The following PLA2G2D variants were observed in gnomAD, a reference collection of about 807,000 sequenced individuals.
PLA2G2D encodes the protein group IID secretory phospholipase A2.
In PLA2G2D, 17 loss-of-function variants were observed where a neutral mutation model predicts 13.9. The observed-to-expected ratio is 1.23, with a 90% CI of 0.84 to 1.84. PLA2G2D has a LOEUF of 1.84. Ranked by LOEUF, PLA2G2D falls within the 40% of genes most tolerant of loss-of-function variation. The probability of loss-of-function intolerance (pLI) is 0.00; values close to 1 mark genes in which losing one functional copy is unlikely to be tolerated. For synonymous variants in PLA2G2D, 83 were observed against 69.3 expected (o/e 1.20, Z -0.98); for missense variants, 194 against 178.7 (o/e 1.09, Z -0.49).
chr1:20,114,221 A>G lies in PLA2G2D; in HGVS notation c.331T>C (p.Cys111Arg). ...AGGCAGAAGGCCACCTCCTTGTCACAGGCACACAGCTGCTGCTCACACCAG... is the reference window on the plus strand; with the variant it reads ...AGGCAGAAGGCCACCTCCTTGTCACGGGCACACAGCTGCTGCTCACACCAG... The part of the protein sequence containing the change: ...GSWCEQQLCA[C>R]DKEVAFCLKR... The change falls in exon 4 of 4, where the codon TGT becomes CGT. Residue 111 changes from cysteine to arginine, a missense_variant. Physicochemically the swap from Cys to Arg is radical, Grantham distance 180. Coordinates refer to ENST00000375105, the MANE Select transcript of PLA2G2D (RefSeq NM_012400.4). The G allele has an allele frequency of 6.2e-7, 1 of 1,614,078 alleles. No homozygotes were observed. Among genetic ancestry groups the G allele is most frequent in the African/African-American group, 1.3e-5 (1 of 75,052 alleles).
At chr1:20,116,227 C>T in intron 2 of PLA2G2D, 106 bp downstream of exon 2, 6 of 1,187,724 alleles carry the variant, frequency 5.1e-6, no homozygotes, top group Non-Finnish European at 1.2e-6. Context: ...AGTAGATGCT[C>T]AACAAAATGG....
chr1:20,115,777 C>T (rs111438282), intron 2 of PLA2G2D, among the ~76,000 whole-genome samples, 164 bp from the exon 3 acceptor site: 11 of 152,222 alleles, frequency 7.2e-5, no homozygotes, highest in African/African-American at 2.7e-4. Context: ...TTGAGCGATT[C>T]CTATGCACTA....
chr1:20,114,816 A>G (rs1261384439), intron 3 of PLA2G2D, among the ~76,000 whole-genome samples: 2 of 152,176 alleles, frequency 1.3e-5, no homozygotes, highest in Non-Finnish European at 2.9e-5. Context: ...GTAACAAGAC[A>G]AGGCACTTAG....
rs2016973615 is a variant in PLA2G2D, at chr1:20,115,735, G to A, written c.186-122C>T. On this transcript the variant is annotated intron_variant, in intron 2 of 3. Transcript: ENST00000375105. Reference sequence around the variant, plus strand: ...AAGAGTCAAGGCCTGCAGGGCTGCAGTCTTCCTCAGGATCATGATGACTAA... The same window carrying A: ...AAGAGTCAAGGCCTGCAGGGCTGCAATCTTCCTCAGGATCATGATGACTAA... 22 of 703,880 alleles carry A rather than the reference G, an allele frequency of 3.1e-5. No homozygotes were observed. The South Asian group carries it at 3.4e-4, about 11-fold the overall frequency. 43.6% of individuals were successfully genotyped at this position (703,880 alleles called of 1,614,324 possible).
In PLA2G2D at chr1:20,115,456, G is replaced by C. The variant is rs530882950; in HGVS notation, c.292+51C>G. The C allele has an allele frequency of 1.1e-5, 12 of 1,051,452 alleles. No individual in the cohort carries two copies. In the East Asian group the frequency reaches 2.6e-4, roughly 23 times the overall value. 65.1% of individuals were successfully genotyped at this position (1,051,452 alleles called of 1,614,324 possible). A position where few individuals can be genotyped will look rare whatever the true frequency, so the allele number is the denominator to read the frequency against. On this transcript the variant is annotated intron_variant, in intron 3 of 3. Transcript: ENST00000375105. Reference sequence around the variant, plus strand: ...TGTGCTGTGAAGGCAGTGGGGGCCAGATCTCCCTTCCTGGGGTCTCCAGCT... The same window carrying C: ...TGTGCTGTGAAGGCAGTGGGGGCCACATCTCCCTTCCTGGGGTCTCCAGCT...
chr1:20,115,396 A>T (rs528299487), intron 3 of PLA2G2D, 111 bp downstream of exon 3: 2 of 725,512 alleles, frequency 2.8e-6, no homozygotes, highest in Non-Finnish European at 5.0e-6. Flanking sequence ...CAGCCAGTGG[A>T]CCCATGCAAA....
In PLA2G2D at chr1:20,116,409, G is replaced by A. The variant is rs768356905; in HGVS notation, c.109C>T (p.Pro37Ser). Residue 37 changes from proline to serine, a missense_variant, in exon 2 of 4, where the codon CCC (proline) becomes TCC (serine). Physicochemically the swap from Pro to Ser is moderately conservative, Grantham distance 74. Coordinates refer to ENST00000375105, the MANE Select transcript of PLA2G2D (RefSeq NM_012400.4). ...KMVKQVTGKM[P>S]ILSYWPYGCH... ...CCGTAGGGCCAGTAGGAGAGGATGG[G>A]CATTTTCCCAGTCACTTGCTTGACC... The A allele has an allele frequency of 3.7e-6, 6 of 1,614,088 alleles. No individual in the cohort carries two copies. The South Asian group carries it at 4.4e-5, about 12-fold the overall frequency.
intron 3 of PLA2G2D, among the ~76,000 whole-genome samples, 163 bp from the exon 4 acceptor site, chr1:20,114,422 T>A (rs890573674): frequency 6.6e-6 from 1 of 152,232 alleles, no homozygotes; most frequent in African/African-American, 2.4e-5. Context: ...TACCGTGACC[T>A]CCCTGTGTGC....
Position 20,113,985 on chromosome 1 carries a change from A to G in PLA2G2D, c.*129T>C. On this transcript the variant is annotated 3_prime_UTR_variant, in exon 4 of 4. Transcript: ENST00000375105. Reference sequence around the variant, plus strand: ...CTTCAGAAGGTCAGAAGGCATTGGTAGAGGGTTCCGGGGGAGGCTGGGACT... The same window carrying G: ...CTTCAGAAGGTCAGAAGGCATTGGTGGAGGGTTCCGGGGGAGGCTGGGACT... The G allele has an allele frequency of 1.3e-6, 1 of 743,214 alleles. No individual in the cohort carries two copies. The highest frequency in any genetic ancestry group is 2.2e-6 in the Non-Finnish European group (1 of 450,316). The allele number at this position is 743,214 out of a possible 1,614,324, so 46.0% of individuals were successfully genotyped here. A position where few individuals can be genotyped will look rare whatever the true frequency, so the allele number is the denominator to read the frequency against.
chr1:20,116,163 G>A (rs944231933), intron 2 of PLA2G2D, among the ~76,000 whole-genome samples, 170 bp downstream of exon 2: 1 of 152,204 alleles, frequency 6.6e-6, no homozygotes, highest in Non-Finnish European at 1.5e-5. Context: ...CCTTCTGGAA[G>A]GCAAGCTCCA....
chr1:20,118,231 C>T (rs1486047408), intron 1 of PLA2G2D, among the ~76,000 whole-genome samples: 1 of 152,146 alleles, frequency 6.6e-6, no homozygotes, highest in Non-Finnish European at 1.5e-5. Context: ...AAATATAGCC[C>T]TTTCAATCTG....
chr1:20,119,348 G>T, intron 1 of PLA2G2D, 111 bp downstream of exon 1: 1 of 963,272 alleles, frequency 1.0e-6, no homozygotes. Context: ...GGGGAGTGGG[G>T]GCCAGGCTCC....
At position 20,114,240 on chromosome 1, in the gene PLA2G2D, A is replaced by G. The variant is rs547644422; in HGVS notation, c.312T>C (p.Cys104=). The change falls in exon 4 of 4, where the codon TGT becomes TGC. Residue 104 remains cysteine, a synonymous_variant. Transcript: ENST00000375105. ...TGTCACAGGCACACAGCTGCTGCTCACACCAGCTTCCCTTGTCAGCTGTGG... is the reference window on the plus strand; with the variant it reads ...TGTCACAGGCACACAGCTGCTGCTCGCACCAGCTTCCCTTGTCAGCTGTGG... The part of the protein sequence containing the change: ...NIHCSDKGSW[C]EQQLCACDKE... The G allele has an allele frequency of 1.9e-5, 31 of 1,613,826 alleles. No individual in the cohort carries two copies. The South Asian group carries it at 3.3e-4, about 17-fold the overall frequency.
Position 20,114,276 on chromosome 1 carries a change from G to C in PLA2G2D, c.293-17C>G. The C allele has an allele frequency of 2.5e-6, 4 of 1,610,324 alleles. No individual in the cohort carries two copies. The highest frequency in any genetic ancestry group is 3.4e-6 in the Non-Finnish European group (4 of 1,177,738). On this transcript the variant is annotated splice_polypyrimidine_tract_variant and intron_variant, in intron 3 of 3. Transcript: ENST00000375105. ...CCTTGTCAGCTGTGGACGGAGAAGG[G>C]GGAGCTATGTGTTTGTCCTTTTCCG... is the stretch of plus-strand genomic sequence containing the variant.
Position 20,114,199 on chromosome 1 carries a change from C to T in PLA2G2D, c.353G>A (p.Cys118Tyr). 1 of 1,614,096 alleles carries T rather than the reference C, an allele frequency of 6.2e-7. No individual in the cohort carries two copies. The highest frequency in any genetic ancestry group is 2.2e-5 in the East Asian group (1 of 44,874). ...GTAGGTGTCCAGGTTGCGCTTCAGG[C>T]AGAAGGCCACCTCCTTGTCACAGGC... is the stretch of plus-strand genomic sequence containing the variant. ...LCACDKEVAF[C>Y]LKRNLDTYQK... The change falls in exon 4 of 4, where the codon TGC (cysteine) becomes TAC (tyrosine). Residue 118 changes from cysteine to tyrosine, a missense_variant. Physicochemically the swap from Cys to Tyr is radical, Grantham distance 194. Transcript: ENST00000375105.
chr1:20,115,663 C>A, intron 2 of PLA2G2D, 50 bp from the exon 3 acceptor site: 1 of 1,156,370 alleles, frequency 8.6e-7, no homozygotes, highest in Non-Finnish European at 1.3e-6. Flanking sequence ...CTACTGGGGT[C>A]TCTGGCTGCT....
At chr1:20,118,661 A>T (rs910438934) in intron 1 of PLA2G2D, among the ~76,000 whole-genome samples, 1 of 152,196 alleles carries the variant, frequency 6.6e-6, no homozygotes, top group African/African-American at 2.4e-5. Flanking sequence ...TACCCATTTT[A>T]CAGATGAGGA....
In PLA2G2D at chr1:20,113,842, A is replaced by C. The variant is rs1569868018; in HGVS notation, c.*272T>G. ...GGGGACAGCGGCAGACCCCTCCCCCACCCCGATGCTTTGGTCCAAACACCA... is the reference window on the plus strand; with the variant it reads ...GGGGACAGCGGCAGACCCCTCCCCCCCCCCGATGCTTTGGTCCAAACACCA... On this transcript the variant is annotated 3_prime_UTR_variant, in exon 4 of 4. Transcript: ENST00000375105. 1 of 370,266 alleles carries C rather than the reference A, an allele frequency of 2.7e-6. No individual in the cohort carries two copies. The highest frequency in any genetic ancestry group is 2.1e-5 in the African/African-American group (1 of 47,952). 22.9% of individuals were successfully genotyped at this position (370,266 alleles called of 1,614,324 possible).
chr1:20,117,877 A>G (rs1417973852), intron 1 of PLA2G2D, among the ~76,000 whole-genome samples: 1 of 152,206 alleles, frequency 6.6e-6, no homozygotes, highest in Non-Finnish European at 1.5e-5. Context: ...TGCAGTGGAC[A>G]AAGAGTGAGA....
Sources: allele counts gnomAD v4.1 joint callset (sites outside exome capture counted in the v4.1 genomes callset), GRCh38; gene constraint gnomAD v4.1.1; transcripts MANE v1.5; gene names NCBI Gene and HGNC (gene_info 2026-07-23, HGNC 2026-07-21).